Variants in NRXN3 observed in about 807,000 individuals in gnomAD.
NRXN3 encodes neurexin 3, also known as neurexin III.
Under a neutral mutation model 137.6 loss-of-function variants are expected in NRXN3, and 32 were observed. That is an observed-to-expected ratio of 0.23 (90% CI 0.18 to 0.31). The LOEUF (loss-of-function observed/expected upper bound fraction) is 0.31, where lower values mean the gene tolerates loss of function less well. Among genes scored for constraint, NRXN3 ranks in the 10% least tolerant of loss-of-function variants. The pLI is 1.00. For missense variants in NRXN3, 1,574 were observed against 2,062.5 expected (o/e 0.76, Z 4.59); for synonymous variants, 798 against 784.5 (o/e 1.02, Z -0.29).
intron 9 of NRXN3, 142 bp downstream of exon 9, chr14:78,803,965 C>A: frequency 2.6e-6 from 2 of 778,274 alleles, no homozygotes; most frequent in Non-Finnish European, 4.3e-6. Flanking sequence ...AGGATAAAAC[C>A]CAACAGCAGC....
intron 16 of NRXN3, among the ~76,000 whole-genome samples, chr14:79,567,542 G>A (rs758769946): frequency 2.0e-5 from 3 of 151,746 alleles, no homozygotes; most frequent in African/African-American, 4.8e-5. Flanking sequence ...TAATTCCCAC[G>A]GCCCTTGCTT....
intron 6 of NRXN3, among the ~76,000 whole-genome samples, chr14:78,665,240 T>G (rs1602109721): frequency 1.3e-5 from 2 of 152,318 alleles, no homozygotes; most frequent in Admixed American, 1.3e-4. Flanking sequence ...TACCTGAGAC[T>G]GGGTAATTTA....
At chr14:78,357,027 A>G (rs953483688) in intron 4 of NRXN3, among the ~76,000 whole-genome samples, 3 of 152,190 alleles carry the variant, frequency 2.0e-5, no homozygotes, top group Admixed American at 6.5e-5. Flanking sequence ...AAAATCGACA[A>G]TAGAAGGTGA....
intron 15 of NRXN3, chr14:79,279,321 C>CATAT (rs1566647623): frequency 3.1e-6 from 3 of 982,280 alleles, no homozygotes; most frequent in Middle Eastern, 5.2e-4. Context: ...GATTTGCTCT[C>CATAT]GGGAGTGCGC....
intron 15 of NRXN3, among the ~76,000 whole-genome samples, chr14:79,292,284 T>C (rs1161379308): frequency 1.3e-5 from 2 of 152,234 alleles, no homozygotes; most frequent in East Asian, 3.8e-4. Context: ...CTTTACATCT[T>C]CAATCAAGGA....
chr14:79,541,351 C>A (rs1437072898), intron 16 of NRXN3, among the ~76,000 whole-genome samples: 1 of 152,086 alleles, frequency 6.6e-6, no homozygotes, highest in African/African-American at 2.4e-5. Flanking sequence ...TTGCAGTGAG[C>A]CAAGATTGTG....
chr14:79,739,928 G>A (rs1221861000), intron 19 of NRXN3, among the ~76,000 whole-genome samples: 2 of 152,110 alleles, frequency 1.3e-5, no homozygotes, highest in African/African-American at 4.8e-5. Context: ...TGCAGTGAAG[G>A]TCTGTTCACC....
chr14:78,210,854 G>GT (rs150584431), intron 1 of NRXN3, among the ~76,000 whole-genome samples: 7,867 of 152,092 alleles, frequency 0.052, 629 homozygotes, highest in African/African-American at 0.17. Context: ...CGAGCAAATC[G>GT]TTTTTTTAAT....
chr14:78,494,421 G>GTTTTTTTTTTTTTTT (rs139596761), intron 4 of NRXN3, among the ~76,000 whole-genome samples: 7 of 132,440 alleles, frequency 5.3e-5, no homozygotes, highest in Non-Finnish European at 8.3e-5. Context: ...TACCAGAGGT[G>GTTTTTTTTTTTTTTT]TTTTGTTTTT....
chr14:78,861,995 A>G lies in NRXN3; in HGVS notation c.2275+51651A>G, dbSNP rs571307621. Among the ~76,000 whole-genome samples, 260 of 152,268 alleles carry G rather than the reference A, an allele frequency of 1.7e-3. 2 individuals carry two copies. In the South Asian group the frequency reaches 0.019, roughly 11 times the overall value. ...GACGATATTAAAGTGAACAAGACAG[A>G]TAAGTCCCTGTTTCCATGTGAACTA... On this transcript the variant is annotated intron_variant, in intron 10 of 20. Coordinates refer to ENST00000335750, the MANE Select transcript of NRXN3 (RefSeq NM_001330195.2).
intron 15 of NRXN3, among the ~76,000 whole-genome samples, chr14:79,300,130 T>C (rs538552316): frequency 1.3e-5 from 2 of 152,170 alleles, no homozygotes; most frequent in South Asian, 4.1e-4. Context: ...TTGTCTCATA[T>C]GATCCCCCAG....
chr14:78,433,374 G>C (rs1176373280), intron 4 of NRXN3, among the ~76,000 whole-genome samples: 2 of 151,806 alleles, frequency 1.3e-5, no homozygotes, highest in Non-Finnish European at 2.9e-5. Context: ...GATTCTATTG[G>C]GCCCACCTAG....
At chr14:79,171,819 GT>G (rs35490860) in intron 15 of NRXN3, among the ~76,000 whole-genome samples, 5,662 of 147,502 alleles carry the variant, frequency 0.038, 255 homozygotes, top group East Asian at 0.23. Context: ...TATTTTATTT[GT>G]TTTTTTTTTC....
rs372476698 is a variant in NRXN3 at position 78,517,997 on chromosome 14, G to A, written c.758-127123G>A. On this transcript the variant is annotated intron_variant, in intron 4 of 20. Transcript: ENST00000335750. ...ATGGATCTTTTGGGAGGTTAAGTAT[G>A]TCTTAGAAGAATATCTGAGCTGGAG... is the stretch of plus-strand genomic sequence containing the variant. Among the ~76,000 whole-genome samples the A allele has an allele frequency of 3.9e-5, 6 of 152,254 alleles. No individual in the cohort carries two copies. The South Asian group carries it at 1.2e-3, about 32-fold the overall frequency.
At chr14:79,081,204 G>A (rs1247526433) in intron 15 of NRXN3, among the ~76,000 whole-genome samples, 2 of 152,162 alleles carry the variant, frequency 1.3e-5, no homozygotes, top group East Asian at 3.9e-4. Context: ...AAGTGTAGGT[G>A]CACATACTAA....
chr14:79,266,781 C>T (rs1378134018), intron 15 of NRXN3, among the ~76,000 whole-genome samples: 1 of 152,142 alleles, frequency 6.6e-6, no homozygotes, highest in Non-Finnish European at 1.5e-5. Context: ...CCTATTTGTC[C>T]ATATCTCCTA....
intron 16 of NRXN3, among the ~76,000 whole-genome samples, chr14:79,555,487 C>A (rs2097420482): frequency 6.6e-6 from 1 of 152,084 alleles, no homozygotes; most frequent in Non-Finnish European, 1.5e-5. Flanking sequence ...CCCTCAAGAC[C>A]TCAGAATGTA....
intron 15 of NRXN3, among the ~76,000 whole-genome samples, chr14:79,054,782 A>G (rs920604904): frequency 1.3e-5 from 2 of 152,220 alleles, no homozygotes; most frequent in Non-Finnish European, 2.9e-5. Context: ...TTCTTTATCC[A>G]TAGATACCTG....
chr14:78,520,524 A>G, intron 4 of NRXN3, among the ~76,000 whole-genome samples: 1 of 152,204 alleles, frequency 6.6e-6, no homozygotes, highest in East Asian at 1.9e-4. Flanking sequence ...AATGATACAG[A>G]GGACTCAGAT....
Sources: allele counts gnomAD v4.1 joint callset (sites outside exome capture counted in the v4.1 genomes callset), GRCh38; gene constraint gnomAD v4.1.1; transcripts MANE v1.5; gene names NCBI Gene and HGNC (gene_info 2026-07-23, HGNC 2026-07-21).